The following HSPA12B variants were observed in gnomAD, a reference collection of about 807,000 sequenced individuals.
The protein encoded by HSPA12B is heat shock 70 kDa protein 12B.
Under a neutral mutation model 69.3 loss-of-function variants are expected in HSPA12B, and 54 were observed. The ratio of observed to expected loss-of-function variants is 0.78; its 90% confidence interval spans 0.63 to 0.98. The LOEUF is 0.98. HSPA12B is among the 50% of genes least tolerant of loss of function. The pLI, the probability that HSPA12B is intolerant of heterozygous loss-of-function variation, is 0.00. For missense variants in HSPA12B, 929 were observed against 999.8 expected (o/e 0.93, Z 0.96); for synonymous variants, 441 against 436.5 (o/e 1.01, Z -0.13).
intron 8 of HSPA12B, among the ~76,000 whole-genome samples, chr20:3,748,953 C>T (rs561580593): frequency 2.6e-5 from 4 of 152,206 alleles, no homozygotes; most frequent in Admixed American, 6.5e-5. Flanking sequence ...TACCTGCCTC[C>T]GCTCCTCCAA....
At position 3,739,119 on chromosome 20, in the gene HSPA12B, GTC is replaced by G. The variant is rs200441471; in HGVS notation, c.43+406_43+407del. On this transcript the variant is annotated intron_variant, in intron 2 of 12. Coordinates refer to ENST00000254963, the MANE Select transcript of HSPA12B (RefSeq NM_052970.5). ...TGTGTGAGTGTGTCAGTGAGTGTGT[GTC>G]TCTGCGGGCAGGTCTCTGTGCACGG... 5.5e-3 allele frequency among the ~76,000 whole-genome samples: 834 copies of G among 152,298 alleles called. 9 individuals are homozygous for G. The highest frequency in any genetic ancestry group is 0.019 in the African/African-American group (780 of 41,568).
rs1240110423 is a variant in HSPA12B at position 3,752,821 on chromosome 20, A to T, written c.*655A>T. ...ATGAGGGTAGCATTTCTTTCGAGAC[A>T]AAACACCCGTCTGGGAAGGCCCCAA... is the stretch of plus-strand genomic sequence containing the variant. On this transcript the variant is annotated 3_prime_UTR_variant, in exon 13 of 13. Coordinates refer to ENST00000254963, the MANE Select transcript of HSPA12B (RefSeq NM_052970.5). The T allele has an allele frequency of 6.5e-6, 1 of 153,752 alleles. No individual in the cohort carries two copies. The highest frequency in any genetic ancestry group is 2.4e-5 in the African/African-American group (1 of 41,430). The allele number at this position is 153,752 out of a possible 1,614,324, so 9.5% of individuals were successfully genotyped here.
In HSPA12B at chr20:3,751,499, C is replaced by A; in HGVS notation, c.1406-12C>A. 7.1e-7 allele frequency: 1 copy of A among 1,406,284 alleles called. No homozygotes were observed. Among genetic ancestry groups the A allele is most frequent in the East Asian group, 2.7e-5 (1 of 36,602 alleles). 87.1% of individuals were successfully genotyped at this position (1,406,284 alleles called of 1,614,324 possible). ...GCCCCCTTCACCCGCGTCCCCCCGT[C>A]CTGTCCCGCAGAGGCCCTGCTGGCA... On this transcript the variant is annotated splice_polypyrimidine_tract_variant and intron_variant, in intron 12 of 12. Transcript: ENST00000254963.
chr20:3,751,644 G>T lies in HSPA12B; in HGVS notation c.1539G>T (p.Pro513=). The change falls in exon 13 of 13, where the codon CCG becomes CCT. Residue 513 remains proline (P), a synonymous_variant. Coordinates refer to ENST00000254963, the MANE Select transcript of HSPA12B (RefSeq NM_052970.5). ...LGARGLRVVV[P]HDVGLTILKG... is the part of the protein sequence containing the mutation. The stretch of plus-strand genomic sequence containing the variant: ...CCCGCGGTCTGCGTGTCGTGGTCCC[G>T]CACGACGTGGGCCTCACCATCCTCA... 2 of 1,524,756 alleles carry T rather than the reference G, an allele frequency of 1.3e-6. No individual in the cohort carries two copies. The highest frequency in any genetic ancestry group is 8.8e-7 in the Non-Finnish European group (1 of 1,140,306). 94.5% of individuals were successfully genotyped at this position (1,524,756 alleles called of 1,614,324 possible). A position where few individuals can be genotyped will look rare whatever the true frequency, so the allele number is the denominator to read the frequency against.
At position 3,748,105 on chromosome 20, in the gene HSPA12B, G is replaced by A. The variant is rs1045250614; in HGVS notation, c.676-112G>A. 1.7e-5 allele frequency: 16 copies of A among 968,014 alleles called. No homozygotes were observed. In the African/African-American group the frequency reaches 1.9e-4, roughly 11 times the overall value. 60.0% of individuals were successfully genotyped at this position (968,014 alleles called of 1,614,324 possible). On this transcript the variant is annotated intron_variant, in intron 7 of 12. Transcript: ENST00000254963. ...CTGAGAGGCCTAACATGGGTGGGGT[G>A]TGATGGAGGAGGAGGTGGGAGCCCC...
At chr20:3,735,962 C>A (rs1331205490) in intron 1 of HSPA12B, among the ~76,000 whole-genome samples, 1 of 152,170 alleles carries the variant, frequency 6.6e-6, no homozygotes, top group Non-Finnish European at 1.5e-5. Context: ...TCCCTCGAGA[C>A]CTTGATCCAG....
chr20:3,743,173 A>AC (rs2088236097), intron 4 of HSPA12B, among the ~76,000 whole-genome samples: 1 of 11,920 alleles, frequency 8.4e-5, no homozygotes, highest in African/African-American at 1.1e-3. Context: ...GATGTGAGCC[A>AC]CCAACCTGGC....
chr20:3,738,741 C>A (rs375525875), intron 2 of HSPA12B, 24 bp downstream of exon 2: 18 of 1,613,844 alleles, frequency 1.1e-5, no homozygotes, highest in African/African-American at 4.0e-5. Context: ...CCATTCTGCC[C>A]TGACCCATCA....
chr20:3,733,719 G>A (rs2088066033), intron 1 of HSPA12B, among the ~76,000 whole-genome samples: 1 of 152,214 alleles, frequency 6.6e-6, no homozygotes, highest in Non-Finnish European at 1.5e-5. Context: ...TTTGGGCCCT[G>A]GTTGGCCCAG....
intron 7 of HSPA12B, among the ~76,000 whole-genome samples, chr20:3,746,406 C>T (rs578093875): frequency 6.7e-6 from 1 of 148,966 alleles, no homozygotes; most frequent in South Asian, 2.2e-4. Context: ...AGGTTCACGC[C>T]ATTCTCCTGC....
chr20:3,751,559 T>C lies in HSPA12B; in HGVS notation c.1454T>C (p.Leu485Pro). ...PEVQGVKLLF[L>P]VGGFAESAVL... ...GTGCAGGGTGTGAAGCTGCTGTTCC[T>C]AGTGGGCGGCTTCGCCGAGTCAGCG... The change falls in exon 13 of 13, where the codon CTA (leucine) becomes CCA (proline). Residue 485 changes from leucine to proline, a missense_variant. Leu to Pro is a moderately conservative substitution (Grantham distance 98). This residue lies in a region of HSPA12B where 448 missense variants were observed against 448.1 expected (regional missense o/e 1.00). Coordinates refer to ENST00000254963, the MANE Select transcript of HSPA12B (RefSeq NM_052970.5). The C allele has an allele frequency of 7.4e-6, 11 of 1,495,142 alleles. No homozygotes were observed. The highest frequency in any genetic ancestry group is 9.8e-6 in the Non-Finnish European group (11 of 1,124,484). 92.6% of individuals were successfully genotyped at this position (1,495,142 alleles called of 1,614,324 possible).
chr20:3,742,300 C>G lies in HSPA12B; in HGVS notation c.158C>G (p.Ala53Gly). 1.9e-6 allele frequency: 3 copies of G among 1,613,728 alleles called. No individual in the cohort carries two copies. Among genetic ancestry groups the G allele is most frequent in the Non-Finnish European group, 1.7e-6 (2 of 1,179,700 alleles). Reference protein sequence around the residue: ...PSQSPKPEVRAPQQASFSVVV... With the variant: ...PSQSPKPEVRGPQQASFSVVV... ...CACTTGCAGAAACCCGAGGTCCGAG[C>G]CCCCCAGCAGGCCTCCTTCTCTGTG... is the stretch of plus-strand genomic sequence containing the variant. The change falls in exon 4 of 13, where the codon GCC becomes GGC. Residue 53 changes from alanine to glycine, a missense_variant. Physicochemically the swap from Ala to Gly is moderately conservative, Grantham distance 60. Coordinates refer to ENST00000254963, the MANE Select transcript of HSPA12B (RefSeq NM_052970.5).
rs770706779 is a variant in HSPA12B at position 3,745,598 on chromosome 20, G to A, written c.558+1G>A. On this transcript the variant is annotated splice_donor_variant, in intron 6 of 12. Coordinates refer to ENST00000254963, the MANE Select transcript of HSPA12B (RefSeq NM_052970.5). LOFTEE classifies it high-confidence loss of function. This position sits in a 1 kb window ranked among gnomAD's most constrained non-coding sequence, Gnocchi z 5.6. ...CTTCTTCAGGGAGCACGCCCTTCAG[G>A]TGCGCTGCGGCCCCACCTCTGCCGA... 6.2e-7 allele frequency: 1 copy of A among 1,613,314 alleles called. No individual in the cohort carries two copies. Among genetic ancestry groups the A allele is most frequent in the Admixed American group, 1.7e-5 (1 of 60,010 alleles).
rs2146574121 is a variant in HSPA12B, at chr20:3,744,997, C to T, written c.362C>T (p.Thr121Ile). Residue 121 changes from threonine (T) to isoleucine (I), a missense_variant, in exon 5 of 13, where the codon ACC becomes ATC. Around this residue, in one of 3 missense-constraint regions of HSPA12B, gnomAD observed 477 missense variants for 535.2 expected, o/e 0.89. Transcript: ENST00000254963. This position sits in a 1 kb window ranked among gnomAD's most constrained non-coding sequence, Gnocchi z 4.9. ...PEGAFHSFGY[T>I]ARDYYHDLDP... ...GGCGCCTTCCACAGCTTTGGCTACACCGCCCGCGATTACTACCATGACCTG... is the reference window on the plus strand; with the variant it reads ...GGCGCCTTCCACAGCTTTGGCTACATCGCCCGCGATTACTACCATGACCTG... 1.2e-6 allele frequency: 2 copies of T among 1,614,050 alleles called. No homozygotes were observed. Among genetic ancestry groups the T allele is most frequent in the South Asian group, 2.2e-5 (2 of 91,080 alleles).
chr20:3,749,229 C>T lies in HSPA12B; in HGVS notation c.851-3C>T, dbSNP rs769471857. ...TCACTCCCTGCTGTCTCCTGACCCC[C>T]AGCTCGGGAGCAGCTGCGAAGGTCC... On this transcript the variant is annotated splice_region_variant and splice_polypyrimidine_tract_variant and intron_variant, in intron 8 of 12. Transcript: ENST00000254963. This position sits in a 1 kb window ranked among gnomAD's most constrained non-coding sequence, Gnocchi z 5.5. The T allele has an allele frequency of 1.2e-5, 19 of 1,611,970 alleles. No individual in the cohort carries two copies. Among genetic ancestry groups the T allele is most frequent in the Non-Finnish European group, 7.6e-6 (9 of 1,179,218 alleles).
At position 3,745,442 on chromosome 20, in the gene HSPA12B, A is replaced by G; in HGVS notation, c.454-51A>G. On this transcript the variant is annotated intron_variant, in intron 5 of 12. Coordinates refer to ENST00000254963, the MANE Select transcript of HSPA12B (RefSeq NM_052970.5). This position sits in a 1 kb window ranked among gnomAD's most constrained non-coding sequence, Gnocchi z 5.6. ...GATTTTAAGAGCGAGGTCGTCAGGA[A>G]ATGAGTGCCAAGCTGAGGCCTCCTG... is the stretch of plus-strand genomic sequence containing the variant. 1 of 1,318,380 alleles carries G rather than the reference A, an allele frequency of 7.6e-7. No individual in the cohort carries two copies. The allele number at this position is 1,318,380 out of a possible 1,614,324, so 81.7% of individuals were successfully genotyped here. A position where few individuals can be genotyped will look rare whatever the true frequency, so the allele number is the denominator to read the frequency against.
At chr20:3,746,617 A>T (rs2088312099) in intron 7 of HSPA12B, among the ~76,000 whole-genome samples, 1 of 152,120 alleles carries the variant, frequency 6.6e-6, no homozygotes, top group Non-Finnish European at 1.5e-5. Context: ...GGAGAGTCTT[A>T]TATGTGAGGT....
chr20:3,748,494 T>C (rs1600327185), intron 8 of HSPA12B, 103 bp downstream of exon 8: 10 of 1,093,246 alleles, frequency 9.1e-6, no homozygotes, highest in Admixed American at 3.6e-5. Flanking sequence ...GTACCCACCC[T>C]GGAGGAGCCC....
chr20:3,745,812 G>T lies in HSPA12B; in HGVS notation c.559-103G>T, dbSNP rs1180052579. The T allele has an allele frequency of 5.3e-6, 6 of 1,124,164 alleles. No individual in the cohort carries two copies. The highest frequency in any genetic ancestry group is 6.8e-6 in the Non-Finnish European group (5 of 736,220). 69.6% of individuals were successfully genotyped at this position (1,124,164 alleles called of 1,614,324 possible). A position where few individuals can be genotyped will look rare whatever the true frequency, so the allele number is the denominator to read the frequency against. ...GGGCCGATTCTTCCAGCTCTGCTGG[G>T]AAGTCCTTCCTGTGATTTGATTAGT... is the stretch of plus-strand genomic sequence containing the variant. On this transcript the variant is annotated intron_variant, in intron 6 of 12. Coordinates refer to ENST00000254963, the MANE Select transcript of HSPA12B (RefSeq NM_052970.5). The surrounding 1 kb of genome is among the most constrained non-coding windows in gnomAD (Gnocchi z 5.6).
Sources: gnomAD v4.1 joint callset for allele counts (sites outside exome capture counted in the v4.1 genomes callset) on GRCh38, gnomAD v4.1.1 for gene constraint, gnomAD v4.1.1 regional missense constraint, Gnocchi (gnomAD v3.1) non-coding constraint, MANE v1.5 for transcripts, NCBI Gene and HGNC (gene_info 2026-07-23, HGNC 2026-07-21) for gene names.